CHD6: variants seen among roughly 807,000 people sequenced by gnomAD.
The protein encoded by CHD6 is ATP-dependent chromatin remodeler CHD6.
In CHD6, 50 loss-of-function variants were observed where a neutral mutation model predicts 276.9. That is an observed-to-expected ratio of 0.18 (90% CI 0.14 to 0.23). The LOEUF is 0.23. CHD6 is among the 10% of genes least tolerant of loss of function. The pLI, the probability that CHD6 is intolerant of heterozygous loss-of-function variation, is 1.00. For missense variants in CHD6, 2,564 were observed against 3,365.8 expected, an observed-to-expected ratio of 0.76 and a Z score of 5.89; for synonymous variants, 1,173 against 1,229.3, an observed-to-expected ratio of 0.95 and a Z score of 0.96.
At chr20:41,571,389 ATTTTTTT>A in intron 1 of CHD6, among the ~76,000 whole-genome samples, 1 of 129,968 alleles carries the variant, frequency 7.7e-6, no homozygotes, top group Non-Finnish European at 1.6e-5. Context: ...CTGGCCATTA[ATTTTTTT>A]TTTTTTTTTT....
chr20:41,433,315 C>T lies in CHD6; in HGVS notation c.4068+3959G>A, dbSNP rs6129839. ...ACAGAAATCCGTAAGCACATAAAATCATAAACTTCTGAAAACTAAAGACAA... is the reference window on the plus strand; with the variant it reads ...ACAGAAATCCGTAAGCACATAAAATTATAAACTTCTGAAAACTAAAGACAA... On this transcript the variant is annotated intron_variant, in intron 27 of 36. Transcript: ENST00000373233. Among the ~76,000 whole-genome samples, 8 of 152,134 alleles carry T rather than the reference C, an allele frequency of 5.3e-5. No individual in the cohort carries two copies. In the East Asian group the frequency reaches 1.5e-3, roughly 29 times the overall value.
At chr20:41,444,886 T>A (rs992895757) in intron 25 of CHD6, among the ~76,000 whole-genome samples, 1 of 152,138 alleles carries the variant, frequency 6.6e-6, no homozygotes, top group African/African-American at 2.4e-5. Context: ...AGTAGTGGAG[T>A]TGATAGCTAA....
At chr20:41,484,232 G>C (rs1335747121) in intron 15 of CHD6, 120 bp downstream of exon 15, 1 of 1,234,928 alleles carries the variant, frequency 8.1e-7, no homozygotes. Context: ...TCTGTAAAAA[G>C]GTGAGAATGC....
At chr20:41,597,460 C>T (rs1236792302) in intron 1 of CHD6, among the ~76,000 whole-genome samples, 1 of 152,172 alleles carries the variant, frequency 6.6e-6, no homozygotes, top group Non-Finnish European at 1.5e-5. Context: ...GCAAACTCCA[C>T]CCCTTGAATT....
At chr20:41,427,824 C>T (rs147162650) in intron 27 of CHD6, among the ~76,000 whole-genome samples, 1 of 152,306 alleles carries the variant, frequency 6.6e-6, no homozygotes, top group East Asian at 1.9e-4. Flanking sequence ...GTTAAAAAAA[C>T]AACCTACTAT....
chr20:41,543,158 T>C (rs1457067529), intron 2 of CHD6, among the ~76,000 whole-genome samples: 1 of 150,048 alleles, frequency 6.7e-6, no homozygotes, highest in Admixed American at 6.6e-5. Context: ...TACTAACAAA[T>C]GGGTATTAGG....
Position 41,514,922 on chromosome 20 carries a change from T to C in CHD6, c.585A>G (p.Lys195=). The change falls in exon 4 of 37, where the codon AAA becomes AAG. Residue 195 remains lysine (K), a synonymous_variant. Transcript: ENST00000373233. The part of the protein sequence containing the change: ...SKEQGPTPVE[K]KKKGKRKSET... Reference sequence around the variant, plus strand: ...CACTTTTCCTTTTTCCTTTCTTCTTTTTCTCCACTGGGGTTGGTCCTTGCT... The same window carrying C: ...CACTTTTCCTTTTTCCTTTCTTCTTCTTCTCCACTGGGGTTGGTCCTTGCT... 6.2e-7 allele frequency: 1 copy of C among 1,614,028 alleles called. No individual in the cohort carries two copies. The highest frequency in any genetic ancestry group is 8.5e-7 in the Non-Finnish European group (1 of 1,179,936).
chr20:41,436,665 A>T (rs189625935), intron 27 of CHD6, among the ~76,000 whole-genome samples: 1 of 152,234 alleles, frequency 6.6e-6, no homozygotes. Flanking sequence ...ATACCACTGA[A>T]TACTACTCAG....
intron 33 of CHD6, 138 bp from the exon 34 acceptor site, chr20:41,415,776 C>T: frequency 1.5e-6 from 1 of 650,642 alleles, no homozygotes; most frequent in East Asian, 2.7e-5. Context: ...CTCAGGCCTC[C>T]TCAAACCTGA....
intron 24 of CHD6, among the ~76,000 whole-genome samples, chr20:41,447,278 T>C (rs2048098691): frequency 6.6e-6 from 1 of 152,162 alleles, no homozygotes; most frequent in Non-Finnish European, 1.5e-5. Context: ...GAATGACAGG[T>C]GTGCACAGGG....
At chr20:41,534,162 C>T (rs1054497245) in intron 2 of CHD6, among the ~76,000 whole-genome samples, 1 of 152,164 alleles carries the variant, frequency 6.6e-6, no homozygotes, top group Non-Finnish European at 1.5e-5. Flanking sequence ...TGGTGATAGT[C>T]GGTAACAATG....
rs6016559 is a variant in CHD6, at chr20:41,437,127, A to T, written c.4068+147T>A. 2.5e-5 allele frequency: 15 copies of T among 588,364 alleles called. No individual in the cohort carries two copies. The African/African-American group carries it at 2.6e-4, about 10-fold the overall frequency. 36.4% of individuals were successfully genotyped at this position (588,364 alleles called of 1,614,324 possible). On this transcript the variant is annotated intron_variant, in intron 27 of 36. Transcript: ENST00000373233. The stretch of plus-strand genomic sequence containing the variant: ...ATAAAAATGCAATTGCAGTCTGTGT[A>T]TTTTAAGTTTTTATAATAAAATGTT...
intron 27 of CHD6, among the ~76,000 whole-genome samples, chr20:41,427,539 G>A (rs1471101317): frequency 1.3e-5 from 2 of 152,100 alleles, no homozygotes; most frequent in African/African-American, 4.8e-5. Flanking sequence ...GGCAGAGCTG[G>A]GATTCAAATA....
chr20:41,432,139 A>G (rs1020248296), intron 27 of CHD6, among the ~76,000 whole-genome samples: 9 of 147,090 alleles, frequency 6.1e-5, no homozygotes, highest in African/African-American at 2.3e-4. Flanking sequence ...CAACCTGGGC[A>G]GCAAGAGTAA....
chr20:41,516,480 T>C (rs962938540), intron 3 of CHD6, among the ~76,000 whole-genome samples: 9 of 152,092 alleles, frequency 5.9e-5, no homozygotes, highest in African/African-American at 2.2e-4. Flanking sequence ...GGCCAGCAGA[T>C]GGTATTCTTA....
chr20:41,451,158 C>T (rs1001730314), intron 22 of CHD6, 53 bp from the exon 23 acceptor site: 3 of 1,537,610 alleles, frequency 2.0e-6, no homozygotes, highest in Middle Eastern at 3.4e-4. Context: ...GGGTGTTACA[C>T]ACGGGTTTTA....
In CHD6 at chr20:41,483,442, T is replaced by C. The variant is rs2043340273; in HGVS notation, c.2335A>G (p.Ile779Val). Residue 779 changes from isoleucine to valine, a missense_variant, in exon 16 of 37, where the codon ATT (isoleucine) becomes GTT (valine). Ile to Val is a conservative substitution (Grantham distance 29). This residue lies in a region of CHD6 where 457 missense variants were observed against 889.0 expected (regional missense o/e 0.51). Coordinates refer to ENST00000373233, the MANE Select transcript of CHD6 (RefSeq NM_032221.5). ...AACACAAGCTTTCCTGCTGCCTGAA[T>C]CATGGCCTGCAGCTGAAAGTCAGGG... ...DAPDFQLQAM[I>V]QAAGKLVLID... 1 of 1,613,704 alleles carries C rather than the reference T, an allele frequency of 6.2e-7. No homozygotes were observed. The highest frequency in any genetic ancestry group is 1.3e-5 in the African/African-American group (1 of 74,912).
chr20:41,519,036 C>T (rs573658745), intron 3 of CHD6, among the ~76,000 whole-genome samples: 112 of 152,238 alleles, frequency 7.4e-4, no homozygotes, highest in Non-Finnish European at 1.4e-3. Flanking sequence ...AATCCCAGCA[C>T]TTTGGGAGGC....
In CHD6 at chr20:41,425,285, C is replaced by T. The variant is rs150384045; in HGVS notation, c.4239G>A (p.Leu1413=). 3.1e-6 allele frequency: 5 copies of T among 1,614,086 alleles called. No individual in the cohort carries two copies. The highest frequency in any genetic ancestry group is 4.2e-6 in the Non-Finnish European group (5 of 1,180,042). The change falls in exon 29 of 37, where the codon CTG becomes CTA. Residue 1413 remains leucine (L), a synonymous_variant. Transcript: ENST00000373233. Reference sequence around the variant, plus strand: ...CTGGTCCCAGAATTTCAGGCCGGCACAGTTCCTTGCGGTTGCAGCGCTGGT... The same window carrying T: ...CTGGTCCCAGAATTTCAGGCCGGCATAGTTCCTTGCGGTTGCAGCGCTGGT... ...TVYQRCNRKE[L]CRPEILGPGN... is the part of the protein sequence containing the mutation.
Sources: allele counts gnomAD v4.1 joint callset (sites outside exome capture counted in the v4.1 genomes callset), GRCh38; gene constraint gnomAD v4.1.1; regional missense constraint gnomAD v4.1.1; transcripts MANE v1.5; gene names NCBI Gene and HGNC (gene_info 2026-07-23, HGNC 2026-07-21).